GPR149: variants seen among roughly 807,000 people sequenced by gnomAD.
GPR149 encodes probable G protein-coupled receptor 149.
In GPR149, 50 loss-of-function variants were observed where a neutral mutation model predicts 50.2. The observed-to-expected ratio is 1.00, with a 90% confidence interval of 0.79 to 1.26. GPR149 has a LOEUF of 1.26. Ranked by LOEUF, GPR149 falls within the 50% of genes most tolerant of loss-of-function variation. The pLI is 0.00. For synonymous variants in GPR149, 405 were observed against 358.2 expected, an observed-to-expected ratio of 1.13 and a Z score of -1.48; for missense variants, 983 against 895.4, an observed-to-expected ratio of 1.10 and a Z score of -1.25.
chr3:154,341,116 T>C (rs1411348972), intron 3 of GPR149, among the ~76,000 whole-genome samples: 1 of 151,386 alleles, frequency 6.6e-6, no homozygotes, highest in East Asian at 1.9e-4. Context: ...ATTTTTGTTA[T>C]CAAAGACTGA....
intron 3 of GPR149, among the ~76,000 whole-genome samples, chr3:154,395,615 C>T (rs1715272224): frequency 6.6e-6 from 1 of 151,910 alleles, no homozygotes; most frequent in South Asian, 2.1e-4. Context: ...ATAGTAAGAC[C>T]CTGTTTCTAC....
chr3:154,410,357 A>G (rs1711802026), intron 3 of GPR149, among the ~76,000 whole-genome samples: 1 of 152,186 alleles, frequency 6.6e-6, no homozygotes, highest in Non-Finnish European at 1.5e-5. Context: ...AAATAGCATG[A>G]TTAATAGAAT....
At chr3:154,398,979 T>C (rs998330196) in intron 3 of GPR149, among the ~76,000 whole-genome samples, 1 of 152,208 alleles carries the variant, frequency 6.6e-6, no homozygotes, top group Non-Finnish European at 1.5e-5. Context: ...ATTGGAACAC[T>C]TTTTCCCTCA....
In GPR149 at chr3:154,352,296, C is replaced by G. The variant is rs1400474989; in HGVS notation, c.1624-14025G>C. The G allele has an allele frequency of 3.4e-6, 3 of 886,034 alleles. No homozygotes were observed. In the Admixed American group the frequency reaches 6.4e-5, roughly 19 times the overall value. The allele number at this position is 886,034 out of a possible 1,614,324, so 54.9% of individuals were successfully genotyped here. ...TGACTGGCCTGACCCGCCTGACCAG[C>G]CACTTGACCAGCCATTCCTCCGTTG... On this transcript the variant is annotated intron_variant, in intron 3 of 3. Coordinates refer to ENST00000389740, the MANE Select transcript of GPR149 (RefSeq NM_001038705.3).
intron 3 of GPR149, among the ~76,000 whole-genome samples, chr3:154,392,323 G>A (rs139959069): frequency 2.9e-3 from 445 of 151,674 alleles, no homozygotes; most frequent in African/African-American, 0.01. Context: ...GGTCAAGGAA[G>A]AAATCAAAAG....
chr3:154,352,648 G>A, intron 3 of GPR149: 2 of 778,552 alleles, frequency 2.6e-6, no homozygotes, highest in African/African-American at 1.7e-5. Flanking sequence ...GGCTAAAGTT[G>A]CAGCCAATGC....
At chr3:154,347,165 A>G (rs1273700313) in intron 3 of GPR149, among the ~76,000 whole-genome samples, 1 of 152,242 alleles carries the variant, frequency 6.6e-6, no homozygotes, top group Non-Finnish European at 1.5e-5. Context: ...TGTGTACTAT[A>G]TGCTGGCATT....
rs373212063 is a variant in GPR149, at chr3:154,341,292, C to CATATATATATAT, written c.1624-3033_1624-3022dup. On this transcript the variant is annotated intron_variant, in intron 3 of 3. Coordinates refer to ENST00000389740, the MANE Select transcript of GPR149 (RefSeq NM_001038705.3). ...GCAAAAAATCAAGAAAAAAATAAGA[C>CATATATATATAT]ATATATATATATATATATATATATA... Among the ~76,000 whole-genome samples the CATATATATATAT allele has an allele frequency of 1.1e-3, 80 of 72,900 alleles. 1 individual carries two copies. Among genetic ancestry groups the CATATATATATAT allele is most frequent in the Non-Finnish European group, 1.3e-3 (50 of 39,730 alleles). 47.8% of individuals were successfully genotyped at this position (72,900 alleles called of 152,430 possible).
intron 3 of GPR149, among the ~76,000 whole-genome samples, chr3:154,418,365 G>C (rs9833172): frequency 0.23 from 17,717 of 77,372 alleles, 2,237 homozygotes; most frequent in African/African-American, 0.3. Context: ...CACATGCACA[G>C]GTATGTTTAT....
At chr3:154,359,401 C>T (rs1238259451) in intron 3 of GPR149, among the ~76,000 whole-genome samples, 3 of 152,140 alleles carry the variant, frequency 2.0e-5, no homozygotes, top group Admixed American at 6.5e-5. Context: ...AAAATCTTCT[C>T]ATAGGCAGAA....
intron 3 of GPR149, among the ~76,000 whole-genome samples, chr3:154,418,611 AC>A (rs1311877287): frequency 8.0e-6 from 1 of 124,946 alleles, no homozygotes; most frequent in African/African-American, 3.2e-5. Flanking sequence ...TGGGAATTGA[AC>A]AATGAGATCA....
At chr3:154,395,426 A>G (rs995185051) in intron 3 of GPR149, among the ~76,000 whole-genome samples, 1 of 138,028 alleles carries the variant, frequency 7.2e-6, no homozygotes, top group African/African-American at 2.6e-5. Context: ...AAAACACAAT[A>G]TATGTAAAAT....
chr3:154,365,740 A>T (rs1476223458), intron 3 of GPR149, among the ~76,000 whole-genome samples: 1 of 152,188 alleles, frequency 6.6e-6, no homozygotes, highest in Non-Finnish European at 1.5e-5. Context: ...GTTCTTTGCC[A>T]CTTTGTAACA....
chr3:154,336,244 T>C lies in GPR149; in HGVS notation c.*1455A>G, dbSNP rs1713655054. On this transcript the variant is annotated 3_prime_UTR_variant, in exon 4 of 4. Transcript: ENST00000389740. ...TCCATTGAGATAATTATTTTGAAAA[T>C]GACTCATGCTTGTGGCAACAAAAGA... 2 of 152,082 alleles carry C rather than the reference T, an allele frequency of 1.3e-5. No individual in the cohort carries two copies. 9.4% of individuals were successfully genotyped at this position (152,082 alleles called of 1,614,324 possible).
At chr3:154,369,877 T>C (rs1329821304) in intron 3 of GPR149, among the ~76,000 whole-genome samples, 2 of 152,166 alleles carry the variant, frequency 1.3e-5, no homozygotes, top group Non-Finnish European at 2.9e-5. Context: ...TGGGGATCTG[T>C]GGTACTTTAG....
At chr3:154,414,956 T>C (rs1711947640) in intron 3 of GPR149, among the ~76,000 whole-genome samples, 1 of 151,978 alleles carries the variant, frequency 6.6e-6, no homozygotes, top group Non-Finnish European at 1.5e-5. Context: ...AAATAAAATT[T>C]AGAGATTAGT....
chr3:154,405,280 A>T (rs978867303), intron 3 of GPR149, among the ~76,000 whole-genome samples: 1 of 152,170 alleles, frequency 6.6e-6, no homozygotes, highest in African/African-American at 2.4e-5. Context: ...AACCTCATTT[A>T]TACTGAAGAC....
chr3:154,395,606 T>C (rs890750272), intron 3 of GPR149, among the ~76,000 whole-genome samples: 2 of 152,000 alleles, frequency 1.3e-5, no homozygotes, highest in African/African-American at 4.8e-5. Context: ...TTGGGCAACA[T>C]AGTAAGACCC....
At chr3:154,341,315 ATATATATATATATATATATATATAT>A (rs1713792546) in intron 3 of GPR149, among the ~76,000 whole-genome samples, 12 of 61,332 alleles carry the variant, frequency 2.0e-4, no homozygotes, top group South Asian at 6.4e-4. Context: ...ATATATATAT[ATATATATATATATATATATATATAT>A]AAAATGAGTA....
Sources: gnomAD v4.1 joint callset for allele counts (sites outside exome capture counted in the v4.1 genomes callset) on GRCh38, gnomAD v4.1.1 for gene constraint, MANE v1.5 for transcripts, NCBI Gene and HGNC (gene_info 2026-07-23, HGNC 2026-07-21) for gene names.